The following IRX6 variants were observed in gnomAD, a reference collection of about 807,000 sequenced individuals.
The protein encoded by IRX6 is iroquois homeobox 6.
In IRX6, 46 loss-of-function variants were observed where a neutral mutation model predicts 47.7. The ratio of observed to expected loss-of-function variants is 0.96; its 90% CI spans 0.76 to 1.23. The LOEUF (loss-of-function observed/expected upper bound fraction) is 1.23, where lower values mean the gene tolerates loss of function less well. Among genes scored for constraint, IRX6 ranks in the 50% most tolerant of loss-of-function variants. The probability of loss-of-function intolerance (pLI) is 0.00; values close to 1 mark genes in which losing one functional copy is unlikely to be tolerated. For missense variants in IRX6, 722 were observed against 588.0 expected (o/e 1.23, Z -2.36); for synonymous variants, 265 against 246.2 (o/e 1.08, Z -0.72).
chr16:55,326,438 G>T lies in IRX6; in HGVS notation c.148G>T (p.Ala50Ser). 1.2e-6 allele frequency: 2 copies of T among 1,613,916 alleles called. No homozygotes were observed. Among genetic ancestry groups the T allele is most frequent in the Non-Finnish European group, 1.7e-6 (2 of 1,180,022 alleles). The change falls in exon 2 of 6, where the codon GCA becomes TCA. Residue 50 changes from alanine (A) to serine (S), a missense_variant. By Grantham distance (99) the Ala-to-Ser change is moderately conservative (BLOSUM62 1). Transcript: ENST00000290552. ...CACCCCAGCGCCCGCTCTCTGCTGC[G>T]CACCCTACGATAGTCGACTGCTGGG... is the stretch of plus-strand genomic sequence containing the variant. ...GSTPAPALCC[A>S]PYDSRLLGSA...
Position 55,327,619 on chromosome 16 carries a change from C to G in IRX6, c.447C>G (p.Arg149=). The G allele has an allele frequency of 6.2e-7, 1 of 1,609,252 alleles. No individual in the cohort carries two copies. Among genetic ancestry groups the G allele is most frequent in the Non-Finnish European group, 8.5e-7 (1 of 1,178,382 alleles). Residue 149 remains arginine (R), a synonymous_variant, in exon 4 of 6, where the codon CGC becomes CGG. Coordinates refer to ENST00000290552, the MANE Select transcript of IRX6 (RefSeq NM_024335.3). Reference sequence around the variant, plus strand: ...CAGTGGAATTGAGTGGCGCCGGTCGCCGAAAGAACGCGACCCGGGAGACCA... The same window carrying G: ...CAGTGGAATTGAGTGGCGCCGGTCGGCGAAAGAACGCGACCCGGGAGACCA... ...YGAVELSGAG[R]RKNATRETTS...
At chr16:55,328,552 G>T in intron 4 of IRX6, 148 bp from the exon 5 acceptor site, 2 of 829,420 alleles carry the variant, frequency 2.4e-6, no homozygotes, top group East Asian at 2.4e-5. Flanking sequence ...CTGGGCAAAT[G>T]CAAGGGGTGG....
In IRX6 at chr16:55,327,641, A is replaced by G; in HGVS notation, c.469A>G (p.Thr157Ala). Reference protein sequence around the residue: ...AGRRKNATRETTSTLKAWLNE... With the variant: ...AGRRKNATREATSTLKAWLNE... ...TCGCCGAAAGAACGCGACCCGGGAG[A>G]CCACCAGTACACTCAAGGCCTGGCT... The change falls in exon 4 of 6, where the codon ACC becomes GCC. Residue 157 changes from threonine to alanine, a missense_variant. Physicochemically the swap from Thr to Ala is moderately conservative, Grantham distance 58. Coordinates refer to ENST00000290552, the MANE Select transcript of IRX6 (RefSeq NM_024335.3). 1.2e-6 allele frequency: 2 copies of G among 1,611,844 alleles called. No individual in the cohort carries two copies. Among genetic ancestry groups the G allele is most frequent in the African/African-American group, 1.3e-5 (1 of 74,908 alleles).
chr16:55,327,994 C>A (rs1960567668), intron 4 of IRX6, 101 bp downstream of exon 4: 1 of 1,162,626 alleles, frequency 8.6e-7, no homozygotes. Context: ...CTGGAAGGTC[C>A]TCAGACTTAC....
At position 55,330,651 on chromosome 16, in the gene IRX6, C is replaced by G. The variant is rs1272409186; in HGVS notation, c.*346C>G. ...CACCCCTGTCTCTCACCTCCACCAA[C>G]CCCACTCACTTTGTAACTTCATCAC... On this transcript the variant is annotated 3_prime_UTR_variant, in exon 6 of 6. Coordinates refer to ENST00000290552, the MANE Select transcript of IRX6 (RefSeq NM_024335.3). 3 of 405,682 alleles carry G rather than the reference C, an allele frequency of 7.4e-6. No individual in the cohort carries two copies. The East Asian group carries it at 1.5e-4, about 20-fold the overall frequency. 25.1% of individuals were successfully genotyped at this position (405,682 alleles called of 1,614,324 possible).
intron 2 of IRX6, chr16:55,327,062 GCC>G (rs1960544107): frequency 7.4e-6 from 4 of 541,308 alleles, no homozygotes; most frequent in Non-Finnish European, 1.3e-5. Flanking sequence ...CAGGGATTCT[GCC>G]AAGCATTCTG....
At position 55,327,350 on chromosome 16, in the gene IRX6, C is replaced by T; in HGVS notation, c.358C>T (p.Gln120Ter). The T allele has an allele frequency of 2.5e-6, 4 of 1,614,014 alleles. No individual in the cohort carries two copies. The highest frequency in any genetic ancestry group is 1.1e-5 in the South Asian group (1 of 91,074). Residue 120 changes from glutamine (Q) to a stop codon, truncating the protein, a stop_gained, in exon 3 of 6, where the codon CAA (glutamine) becomes TAA (stop). Coordinates refer to ENST00000290552, the MANE Select transcript of IRX6 (RefSeq NM_024335.3). LOFTEE classifies it high-confidence loss of function. ...AGGGAGTTTTACATCCAGCCTGGCA[C>T]AACCAGGAGCCTATTATCCCTATGA... is the stretch of plus-strand genomic sequence containing the variant. ...AAGSFTSSLA[Q>*]PGAYYPYERT...
At chr16:55,327,449 C>T (rs1325429398) in intron 3 of IRX6, 44 bp downstream of exon 3, 14 of 1,575,468 alleles carry the variant, frequency 8.9e-6, no homozygotes, top group Non-Finnish European at 1.1e-5. Flanking sequence ...TGAGTCTTTC[C>T]TCCCCCACTG....
rs757304029 is a variant in IRX6 at position 55,328,739 on chromosome 16, G to A, written c.761G>A (p.Ser254Asn). ...CAGGAGGCCCGGGGGCTCCGGCTGA[G>A]TGACCTGGAAGACCTGGAGGAAGAG... ...ASQEARGLRL[S>N]DLEDLEEEEE... Residue 254 changes from serine to asparagine, a missense_variant, in exon 5 of 6, where the codon AGT becomes AAT. By Grantham distance (46) the Ser-to-Asn change is conservative (BLOSUM62 1). Transcript: ENST00000290552. 4 of 1,613,310 alleles carry A rather than the reference G, an allele frequency of 2.5e-6. No homozygotes were observed. Among genetic ancestry groups the A allele is most frequent in the Non-Finnish European group, 3.4e-6 (4 of 1,180,034 alleles).
Position 55,326,470 on chromosome 16 carries a change from G to A in IRX6, c.180G>A (p.Ala60=), listed in dbSNP as rs748112787. The A allele has an allele frequency of 1.7e-5, 28 of 1,613,544 alleles. 1 individual carries two copies. The Middle Eastern group carries it at 5.0e-4, about 29-fold the overall frequency. The part of the protein sequence containing the change: ...APYDSRLLGS[A]RPELGAALGI... ...ACGATAGTCGACTGCTGGGCAGTGC[G>A]CGACCGGAGCTGGGCGCCGCCTTGG... The change falls in exon 2 of 6, where the codon GCG becomes GCA. Residue 60 remains alanine, a synonymous_variant. Transcript: ENST00000290552.
rs371123518 is a variant in IRX6 at position 55,327,618 on chromosome 16, G to T, written c.446G>T (p.Arg149Leu). 1.2e-6 allele frequency: 2 copies of T among 1,608,690 alleles called. No individual in the cohort carries two copies. The highest frequency in any genetic ancestry group is 1.7e-6 in the Non-Finnish European group (2 of 1,178,138). The change falls in exon 4 of 6, where the codon CGC (arginine) becomes CTC (leucine). Residue 149 changes from arginine (R) to leucine (L), a missense_variant. Physicochemically the swap from Arg to Leu is moderately radical, Grantham distance 102 (BLOSUM62 -2). Coordinates refer to ENST00000290552, the MANE Select transcript of IRX6 (RefSeq NM_024335.3). ...YGAVELSGAG[R>L]RKNATRETTS... ...GCAGTGGAATTGAGTGGCGCCGGTC[G>T]CCGAAAGAACGCGACCCGGGAGACC... is the stretch of plus-strand genomic sequence containing the variant.
At position 55,329,078 on chromosome 16, in the gene IRX6, C is replaced by T. The variant is rs148070992; in HGVS notation, c.1100C>T (p.Pro367Leu). ...TATASAVEGA[P>L]PARPRPRSPE... ...ACAGCCAGCGCTGTTGAAGGTGCACCCCCAGCCCGGCCTAGGCCACGAAGT... is the reference window on the plus strand; with the variant it reads ...ACAGCCAGCGCTGTTGAAGGTGCACTCCCAGCCCGGCCTAGGCCACGAAGT... Residue 367 changes from proline (P) to leucine (L), a missense_variant, in exon 5 of 6, where the codon CCC becomes CTC. Coordinates refer to ENST00000290552, the MANE Select transcript of IRX6 (RefSeq NM_024335.3). 2.5e-6 allele frequency: 4 copies of T among 1,614,096 alleles called. No individual in the cohort carries two copies. In the South Asian group the frequency reaches 3.3e-5, roughly 13 times the overall value.
rs139857215 is a variant in IRX6, at chr16:55,326,425, C to T, written c.135C>T (p.Pro45=). ...SDVASGSTPA[P]ALCCAPYDSR... ...TGGCATCAGGCTCCACCCCAGCGCCCGCTCTCTGCTGCGCACCCTACGATA... is the reference window on the plus strand; with the variant it reads ...TGGCATCAGGCTCCACCCCAGCGCCTGCTCTCTGCTGCGCACCCTACGATA... The change falls in exon 2 of 6, where the codon CCC becomes CCT. Residue 45 remains proline (P), a synonymous_variant. Transcript: ENST00000290552. 2.1e-4 allele frequency: 336 copies of T among 1,614,008 alleles called. 1 individual carries two copies. In the African/African-American group the frequency reaches 3.6e-3, roughly 17 times the overall value.
intron 2 of IRX6, chr16:55,327,038 T>C: frequency 4.3e-6 from 2 of 463,098 alleles, no homozygotes; most frequent in Non-Finnish European, 7.7e-6. Context: ...ATTTAACTAC[T>C]GCTTATTCTG....
At chr16:55,325,530 G>GGAAGGAGAGAGA (rs1491427085) in intron 1 of IRX6, among the ~76,000 whole-genome samples, 2 of 9,082 alleles carry the variant, frequency 2.2e-4, no homozygotes, top group African/African-American at 7.7e-4. Flanking sequence ...AAGGAAGGAA[G>GGAAGGAGAGAGA]GAGAGAGAGA....
At chr16:55,328,382 C>T (rs1960574716) in intron 4 of IRX6, among the ~76,000 whole-genome samples, 1 of 152,174 alleles carries the variant, frequency 6.6e-6, no homozygotes, top group Non-Finnish European at 1.5e-5. Flanking sequence ...GTAAAAACTG[C>T]CCCCTGGTTT....
In IRX6 at chr16:55,330,658, C is replaced by A; in HGVS notation, c.*353C>A. On this transcript the variant is annotated 3_prime_UTR_variant, in exon 6 of 6. Transcript: ENST00000290552. ...GTCTCTCACCTCCACCAACCCCACT[C>A]ACTTTGTAACTTCATCACTGACCCG... 1 of 389,334 alleles carries A rather than the reference C, an allele frequency of 2.6e-6. No homozygotes were observed. Among genetic ancestry groups the A allele is most frequent in the Non-Finnish European group, 4.7e-6 (1 of 210,944 alleles). The allele number at this position is 389,334 out of a possible 1,614,324, so 24.1% of individuals were successfully genotyped here.
chr16:55,325,253 G>A, intron 1 of IRX6, 117 bp downstream of exon 1: 6 of 962,456 alleles, frequency 6.2e-6, no homozygotes, highest in Non-Finnish European at 9.6e-6. Flanking sequence ...GAAGGAGCAA[G>A]GACCAGGGTA....
At chr16:55,325,204 G>A in intron 1 of IRX6, 68 bp downstream of exon 1, 1 of 1,495,820 alleles carries the variant, frequency 6.7e-7, no homozygotes, top group Non-Finnish European at 9.3e-7. Context: ...CACGGCGCCT[G>A]CCTCTGATCA....
Sources: gnomAD v4.1 joint callset for allele counts (sites outside exome capture counted in the v4.1 genomes callset) on GRCh38, gnomAD v4.1.1 for gene constraint, MANE v1.5 for transcripts, NCBI Gene and HGNC (gene_info 2026-07-23, HGNC 2026-07-21) for gene names.